Variants in SPATS2L observed in about 807,000 individuals in gnomAD.
The protein encoded by SPATS2L is spermatogenesis associated serine rich 2 like.
In SPATS2L, 30 loss-of-function variants were observed where a neutral mutation model predicts 59.6. The observed-to-expected ratio is 0.50, with a 90% CI of 0.38 to 0.68. SPATS2L has a LOEUF of 0.68. SPATS2L is among the 30% of genes least tolerant of loss of function. The pLI is 0.00. For synonymous variants in SPATS2L, 252 were observed against 263.5 expected, an observed-to-expected ratio of 0.96 and a Z score of 0.42; for missense variants, 615 against 700.0, an observed-to-expected ratio of 0.88 and a Z score of 1.37.
rs372426352 is a variant in SPATS2L at position 200,364,416 on chromosome 2, TGCCAGCGTTCAGACGG to T, written c.-22-24804_-22-24789del. On this transcript the variant is annotated intron_variant, in intron 2 of 12. Coordinates refer to ENST00000409140, the MANE Select transcript of SPATS2L (RefSeq NM_001100423.2). ...GGAACATAGTGATGTATCTCCGCCT[TGCCAGCGTTCAGACGG>T]GCAAGATTTCCCACTGAGTGCCCTG... 3.5e-3 allele frequency among the ~76,000 whole-genome samples: 528 copies of T among 152,258 alleles called. 1 individual carries two copies. The highest frequency in any genetic ancestry group is 0.012 in the African/African-American group (495 of 41,546).
At chr2:200,334,072 C>T (rs1040388234) in intron 2 of SPATS2L, among the ~76,000 whole-genome samples, 8 of 152,116 alleles carry the variant, frequency 5.3e-5, no homozygotes, top group Admixed American at 1.3e-4. Flanking sequence ...CCTGAGGAAT[C>T]GCCACACTGT....
chr2:200,387,830 C>T (rs545169579), intron 2 of SPATS2L, among the ~76,000 whole-genome samples: 8 of 152,282 alleles, frequency 5.3e-5, no homozygotes, highest in Middle Eastern at 6.8e-3. Flanking sequence ...TCTGTTTGTG[C>T]ATTTAAGTCA....
At chr2:200,448,582 A>C (rs1370558) in intron 8 of SPATS2L, among the ~76,000 whole-genome samples, 132,721 of 152,264 alleles carry the variant, frequency 0.87, 58,662 homozygotes, top group Non-Finnish European at 0.94. Flanking sequence ...AAAGGGCTCT[A>C]TCTCTTTCTG....
intron 2 of SPATS2L, among the ~76,000 whole-genome samples, chr2:200,338,495 C>A (rs892100862): frequency 2.0e-5 from 3 of 152,106 alleles, no homozygotes; most frequent in African/African-American, 7.2e-5. Context: ...CTGAACAAGG[C>A]AAGTGTTGTG....
chr2:200,456,676 C>A (rs1297397780), intron 8 of SPATS2L, among the ~76,000 whole-genome samples: 1 of 152,186 alleles, frequency 6.6e-6, no homozygotes, highest in African/African-American at 2.4e-5. Context: ...ACCAACCCCA[C>A]ACACAAGTGG....
At chr2:200,452,775 G>A (rs1321020663) in intron 8 of SPATS2L, among the ~76,000 whole-genome samples, 3 of 152,010 alleles carry the variant, frequency 2.0e-5, no homozygotes, top group African/African-American at 7.3e-5. Context: ...AAAGGGTTAT[G>A]TGCTAACCCC....
Position 200,477,839 on chromosome 2 carries a change from G to T in SPATS2L, c.1485G>T (p.Gly495=), listed in dbSNP as rs764374287. 1 of 1,583,112 alleles carries T rather than the reference G, an allele frequency of 6.3e-7. No individual in the cohort carries two copies. The highest frequency in any genetic ancestry group is 8.6e-7 in the Non-Finnish European group (1 of 1,164,544). ...GGAKNQEASL[G]MKTPEAPAHS... ...CCAAAAATCAAGAGGCTTCCTTGGG[G>T]ATGAAGACCCCCGAGGCCCCGGCCC... Residue 495 remains glycine (G), a synonymous_variant, in exon 13 of 13, where the codon GGG becomes GGT. Transcript: ENST00000409140.
At chr2:200,469,863 T>G in intron 10 of SPATS2L, 51 bp from the exon 11 acceptor site, 2 of 1,454,532 alleles carry the variant, frequency 1.4e-6, no homozygotes, top group South Asian at 2.5e-5. Flanking sequence ...CGGGGGTGCC[T>G]TGGTCATTTC....
intron 1 of SPATS2L, among the ~76,000 whole-genome samples, chr2:200,317,454 C>CAGT (rs1237877884): frequency 1.8e-4 from 28 of 152,178 alleles, no homozygotes; most frequent in Non-Finnish European, 1.0e-4. Context: ...AACTTATCCT[C>CAGT]ATATCTCAGT....
chr2:200,361,409 G>T (rs532752519), intron 2 of SPATS2L, among the ~76,000 whole-genome samples: 5 of 152,104 alleles, frequency 3.3e-5, no homozygotes, highest in African/African-American at 1.2e-4. Context: ...TCTTGCCCTC[G>T]TAGGGCAGAA....
rs547826747 is a variant in SPATS2L, at chr2:200,310,070, T to G, written c.-73+3148T>G. 5.9e-5 allele frequency among the ~76,000 whole-genome samples: 9 copies of G among 152,368 alleles called. No individual in the cohort carries two copies. The South Asian group carries it at 1.7e-3, about 28-fold the overall frequency. Reference sequence around the variant, plus strand: ...ATTTTAAATGTGATGTTATCCTTCCTTGCATCATACAAATCTTTGTCTCTA... The same window carrying G: ...ATTTTAAATGTGATGTTATCCTTCCGTGCATCATACAAATCTTTGTCTCTA... On this transcript the variant is annotated intron_variant, in intron 1 of 12. Transcript: ENST00000409140.
intron 6 of SPATS2L, among the ~76,000 whole-genome samples, chr2:200,428,247 T>C (rs901511130): frequency 2.0e-5 from 3 of 152,234 alleles, no homozygotes; most frequent in South Asian, 2.1e-4. Flanking sequence ...TAAGCTGTTA[T>C]AGGTAAGTTT....
intron 8 of SPATS2L, among the ~76,000 whole-genome samples, chr2:200,441,806 A>T (rs879499701): frequency 6.6e-6 from 1 of 152,232 alleles, no homozygotes; most frequent in South Asian, 2.1e-4. Context: ...CATATTCTCT[A>T]TATCTCATTG....
At chr2:200,347,660 T>TA (rs1419228961) in intron 2 of SPATS2L, among the ~76,000 whole-genome samples, 1 of 152,154 alleles carries the variant, frequency 6.6e-6, no homozygotes, top group East Asian at 1.9e-4. Flanking sequence ...CTGGGTCCCC[T>TA]AAAGCAAAGT....
chr2:200,379,106 C>T (rs2081706825), intron 2 of SPATS2L, among the ~76,000 whole-genome samples: 2 of 152,146 alleles, frequency 1.3e-5, no homozygotes, highest in African/African-American at 4.8e-5. Flanking sequence ...ATTTCCTTCC[C>T]CACTTCCTTG....
rs1467732502 is a variant in SPATS2L at position 200,306,878 on chromosome 2, C to T, written c.-117C>T. On this transcript the variant is annotated 5_prime_UTR_variant, in exon 1 of 13. Coordinates refer to ENST00000409140, the MANE Select transcript of SPATS2L (RefSeq NM_001100423.2). The stretch of plus-strand genomic sequence containing the variant: ...CTCCCCTGGCGACCGCGCCCCCGGG[C>T]CCCGGCTCCGGCCCGGGACGGAGGA... 2.0e-6 allele frequency: 2 copies of T among 981,132 alleles called. No homozygotes were observed. The highest frequency in any genetic ancestry group is 2.4e-6 in the Non-Finnish European group (2 of 828,274). 60.8% of individuals were successfully genotyped at this position (981,132 alleles called of 1,614,324 possible). A position where few individuals can be genotyped will look rare whatever the true frequency, so the allele number is the denominator to read the frequency against.
At chr2:200,416,357 A>G in intron 4 of SPATS2L, 22 bp from the exon 5 acceptor site, 1 of 1,362,744 alleles carries the variant, frequency 7.3e-7, no homozygotes, top group Non-Finnish European at 9.9e-7. Flanking sequence ...ATATTTGTTG[A>G]AGATTCTTTG....
chr2:200,306,781 G>A lies in SPATS2L; in HGVS notation c.-214G>A, dbSNP rs1463177291. 6.1e-6 allele frequency: 6 copies of A among 981,628 alleles called. No homozygotes were observed. The highest frequency in any genetic ancestry group is 7.2e-6 in the Non-Finnish European group (6 of 828,294). 60.8% of individuals were successfully genotyped at this position (981,628 alleles called of 1,614,324 possible). A position where few individuals can be genotyped will look rare whatever the true frequency, so the allele number is the denominator to read the frequency against. ...CGGCAGCGCGGGGCGAGCTCCGGAC[G>A]GCGCGCGGCCCAGGCAGCGGCTCCC... On this transcript the variant is annotated 5_prime_UTR_variant, in exon 1 of 13. Transcript: ENST00000409140.
At chr2:200,309,422 C>T (rs1302730624) in intron 1 of SPATS2L, among the ~76,000 whole-genome samples, 1 of 152,224 alleles carries the variant, frequency 6.6e-6, no homozygotes, top group Non-Finnish European at 1.5e-5. Flanking sequence ...GTGCACTTGA[C>T]AGGTACTGCT....
Sources: allele counts gnomAD v4.1 joint callset (sites outside exome capture counted in the v4.1 genomes callset), GRCh38; gene constraint gnomAD v4.1.1; transcripts MANE v1.5; gene names NCBI Gene and HGNC (gene_info 2026-07-23, HGNC 2026-07-21).